Variants in COTL1 observed in about 807,000 individuals in gnomAD.
The protein encoded by COTL1 is coactosin-like protein.
Under a neutral mutation model 16.5 loss-of-function variants are expected in COTL1, and 15 were observed. The observed-to-expected ratio is 0.91, with a 90% CI of 0.61 to 1.40. COTL1 has a LOEUF of 1.40. Ranked by LOEUF, COTL1 falls within the 40% of genes most tolerant of loss-of-function variation. The pLI is 0.00. For missense variants in COTL1, 220 were observed against 201.5 expected (o/e 1.09, Z -0.56); for synonymous variants, 112 against 85.3 (o/e 1.31, Z -1.73).
chr16:84,611,077 T>C (rs1905313336), intron 2 of COTL1, among the ~76,000 whole-genome samples: 1 of 152,242 alleles, frequency 6.6e-6, no homozygotes, highest in Non-Finnish European at 1.5e-5. Context: ...GCAACCTACA[T>C]GCAATCATTA....
Position 84,617,818 on chromosome 16 carries a change from G to A in COTL1, c.77+20C>T. ...GCGAGCCCGGGGAGCGGGGCGTGGA[G>A]ACGAATGAAAAGTTCCTACCAGATG... On this transcript the variant is annotated intron_variant, in intron 1 of 3. Coordinates refer to ENST00000262428, the MANE Select transcript of COTL1 (RefSeq NM_021149.5). 1 of 1,564,270 alleles carries A rather than the reference G, an allele frequency of 6.4e-7. No homozygotes were observed. Among genetic ancestry groups the A allele is most frequent in the South Asian group, 1.2e-5 (1 of 85,402 alleles).
rs1428997977 is a variant in COTL1, at chr16:84,607,551, C to T, written c.160+9950G>A. ...AAGATAAATTAGATAAACTAACACA[C>T]GCAGAGCTCCTACGTAGGGCCTGGG... is the stretch of plus-strand genomic sequence containing the variant. On this transcript the variant is annotated intron_variant, in intron 2 of 3. Transcript: ENST00000262428. Among the ~76,000 whole-genome samples, 9 of 152,172 alleles carry T rather than the reference C, an allele frequency of 5.9e-5. No homozygotes were observed. In the East Asian group the frequency reaches 1.5e-3, roughly 26 times the overall value.
intron 3 of COTL1, among the ~76,000 whole-genome samples, chr16:84,569,521 T>A (rs1904313728): frequency 6.6e-6 from 1 of 152,154 alleles, no homozygotes; most frequent in East Asian, 1.9e-4. Flanking sequence ...AACGGGAGGT[T>A]AATTTTTATC....
chr16:84,578,616 C>T (rs964929116), intron 3 of COTL1, among the ~76,000 whole-genome samples: 9 of 152,082 alleles, frequency 5.9e-5, no homozygotes, highest in South Asian at 2.1e-4. Flanking sequence ...GATATGCACA[C>T]ACCAACACAC....
intron 3 of COTL1, among the ~76,000 whole-genome samples, chr16:84,570,339 C>G (rs538925952): frequency 6.6e-6 from 1 of 152,134 alleles, no homozygotes; most frequent in South Asian, 2.1e-4. Context: ...TGGAGCTAGG[C>G]ACAGGTCAAC....
intron 3 of COTL1, among the ~76,000 whole-genome samples, chr16:84,585,090 C>A (rs948451355): frequency 6.6e-6 from 1 of 152,154 alleles, no homozygotes; most frequent in Non-Finnish European, 1.5e-5. Context: ...TATGACACAG[C>A]AAGTCAACTC....
intron 2 of COTL1, 57 bp downstream of exon 2, chr16:84,617,444 C>A: frequency 6.7e-7 from 1 of 1,500,686 alleles, no homozygotes; most frequent in South Asian, 1.2e-5. Flanking sequence ...CGGGGCTCCC[C>A]GGGTGCAGAC....
intron 3 of COTL1, among the ~76,000 whole-genome samples, chr16:84,582,327 A>G (rs1463584247): frequency 6.6e-6 from 1 of 151,922 alleles, no homozygotes; most frequent in East Asian, 1.9e-4. Flanking sequence ...ATGTTAAAAC[A>G]GAGATGCAGT....
At chr16:84,607,155 G>C (rs1318393359) in intron 2 of COTL1, among the ~76,000 whole-genome samples, 1 of 152,172 alleles carries the variant, frequency 6.6e-6, no homozygotes, top group Non-Finnish European at 1.5e-5. Flanking sequence ...TGAAGAAACA[G>C]ACATGCACAC....
chr16:84,617,614 C>A, intron 1 of COTL1, 31 bp from the exon 2 acceptor site: 1 of 1,544,148 alleles, frequency 6.5e-7, no homozygotes. Flanking sequence ...AAAACACACA[C>A]ACACATCAGC....
intron 2 of COTL1, among the ~76,000 whole-genome samples, chr16:84,601,886 T>C (rs111785131): frequency 0.01 from 1,551 of 152,274 alleles, 21 homozygotes; most frequent in African/African-American, 0.036. Context: ...GCTGGCAAGT[T>C]CAAAACGCCT....
intron 2 of COTL1, among the ~76,000 whole-genome samples, chr16:84,606,607 T>C (rs1905215607): frequency 6.6e-6 from 1 of 152,246 alleles, no homozygotes; most frequent in African/African-American, 2.4e-5. Context: ...TCCAAGGCCA[T>C]GTCTGGTTTC....
intron 3 of COTL1, among the ~76,000 whole-genome samples, chr16:84,588,265 G>A (rs951179655): frequency 5.9e-5 from 9 of 151,650 alleles, no homozygotes; most frequent in Non-Finnish European, 1.3e-4. Flanking sequence ...AAGAGCTTTG[G>A]AGTTACAGAA....
chr16:84,577,717 G>C (rs1443415276), intron 3 of COTL1, among the ~76,000 whole-genome samples: 1 of 152,190 alleles, frequency 6.6e-6, no homozygotes, highest in Non-Finnish European at 1.5e-5. Context: ...AGCCAAGACA[G>C]AGGCACACGG....
At chr16:84,614,184 G>A (rs944969475) in intron 2 of COTL1, among the ~76,000 whole-genome samples, 2 of 152,208 alleles carry the variant, frequency 1.3e-5, no homozygotes. Context: ...ATTTCTCACC[G>A]CCCTCGCAAG....
intron 3 of COTL1, among the ~76,000 whole-genome samples, chr16:84,578,982 C>T (rs1298485781): frequency 6.6e-6 from 1 of 151,906 alleles, no homozygotes; most frequent in Non-Finnish European, 1.5e-5. Flanking sequence ...CACATCCAAG[C>T]ATGCGTACAC....
chr16:84,577,435 G>A (rs571891952), intron 3 of COTL1, among the ~76,000 whole-genome samples: 3 of 152,164 alleles, frequency 2.0e-5, no homozygotes, highest in African/African-American at 7.2e-5. Flanking sequence ...AGTAGAGACA[G>A]GGTTTCACCA....
At chr16:84,594,693 TCCAAACTACCCATCCCTGGC>T (rs1904954102) in intron 2 of COTL1, 1 of 152,236 alleles carries the variant, frequency 6.6e-6, no homozygotes, top group African/African-American at 2.4e-5. Context: ...CGGACTTGGA[TCCAAACTACCCATCCCTGGC>T]CCAAGCCTCC....
chr16:84,597,459 C>T (rs1219714997), intron 2 of COTL1, among the ~76,000 whole-genome samples: 1 of 152,174 alleles, frequency 6.6e-6, no homozygotes, highest in Non-Finnish European at 1.5e-5. Flanking sequence ...GTGTGGTCCT[C>T]GGACCAGCAG....
Sources: allele counts gnomAD v4.1 joint callset (sites outside exome capture counted in the v4.1 genomes callset), GRCh38; gene constraint gnomAD v4.1.1; transcripts MANE v1.5; gene names NCBI Gene and HGNC (gene_info 2026-07-23, HGNC 2026-07-21).